Variants in RBFOX1 observed in about 807,000 individuals in gnomAD.
The protein encoded by RBFOX1 is RNA binding protein fox-1 homolog 1.
Under a neutral mutation model 57.7 loss-of-function variants are expected in RBFOX1, and 8 were observed. That is an observed-to-expected ratio of 0.14 (90% CI 0.08 to 0.25). RBFOX1 has a LOEUF of 0.25. RBFOX1 is among the 10% of genes least tolerant of loss of function. RBFOX1 has a pLI of 1.00. For missense variants in RBFOX1, 611 were observed against 548.5 expected (o/e 1.11, Z -1.14); for synonymous variants, 326 against 222.4 (o/e 1.47, Z -4.15).
At chr16:6,802,329 A>G (rs118022618) in intron 3 of RBFOX1, among the ~76,000 whole-genome samples, 2 of 152,184 alleles carry the variant, frequency 1.3e-5, no homozygotes, top group East Asian at 1.9e-4. Context: ...TTCTCTGGGA[A>G]TTTCATTGCT....
At chr16:6,070,273 A>G (rs1336347912) in intron 1 of RBFOX1, among the ~76,000 whole-genome samples, 1 of 152,172 alleles carries the variant, frequency 6.6e-6, no homozygotes, top group Non-Finnish European at 1.5e-5. Flanking sequence ...ATTCATCCTA[A>G]AAATAATTTC....
intron 3 of RBFOX1, among the ~76,000 whole-genome samples, chr16:6,933,986 C>G (rs2076971507): frequency 6.6e-6 from 1 of 152,158 alleles, no homozygotes; most frequent in Non-Finnish European, 1.5e-5. Context: ...AATGCTCATC[C>G]TCTCAGCCCA....
chr16:5,908,680 C>G (rs1395728173), intron 4 of RBFOX1, among the ~76,000 whole-genome samples: 1 of 152,016 alleles, frequency 6.6e-6, no homozygotes, highest in Non-Finnish European at 1.5e-5. Flanking sequence ...TGTGGCAGGG[C>G]ATTGCAGACT....
intron 3 of RBFOX1, among the ~76,000 whole-genome samples, chr16:6,665,756 A>G (rs1300146698): frequency 6.6e-6 from 1 of 150,474 alleles, no homozygotes; most frequent in African/African-American, 2.4e-5. Flanking sequence ...TACATGCCAT[A>G]GACCATTTTT....
At chr16:5,666,201 G>A (rs982637796) in intron 3 of RBFOX1, among the ~76,000 whole-genome samples, 6 of 152,222 alleles carry the variant, frequency 3.9e-5, no homozygotes, top group African/African-American at 1.4e-4. Flanking sequence ...GGAAAGGGAG[G>A]GCAGTTCTTC....
intron 1 of RBFOX1, among the ~76,000 whole-genome samples, chr16:5,435,461 C>T (rs949601132): frequency 1.3e-5 from 2 of 152,068 alleles, no homozygotes; most frequent in African/African-American, 2.4e-5. Context: ...GTAGGGCTAT[C>T]CTGAAGGGAA....
At chr16:6,952,435 C>T (rs538268752) in intron 3 of RBFOX1, among the ~76,000 whole-genome samples, 1 of 152,090 alleles carries the variant, frequency 6.6e-6, no homozygotes, top group South Asian at 2.1e-4. Flanking sequence ...TTGCTTGAGC[C>T]CAGGAGTTTG....
chr16:7,290,147 G>C (rs1236416594), intron 4 of RBFOX1, among the ~76,000 whole-genome samples: 3 of 152,126 alleles, frequency 2.0e-5, no homozygotes, highest in Non-Finnish European at 4.4e-5. Flanking sequence ...ATCTATAAGA[G>C]AGATAAAAGG....
intron 4 of RBFOX1, among the ~76,000 whole-genome samples, chr16:7,151,962 T>G (rs2076195313): frequency 1.3e-5 from 2 of 152,214 alleles, no homozygotes; most frequent in Admixed American, 6.5e-5. Flanking sequence ...CTTGCTCACC[T>G]GCTGCTTACC....
intron 3 of RBFOX1, among the ~76,000 whole-genome samples, chr16:5,671,416 T>C (rs918192688): frequency 6.6e-6 from 1 of 152,210 alleles, no homozygotes; most frequent in Non-Finnish European, 1.5e-5. Flanking sequence ...GCATTTGATA[T>C]ATTTGTGCTG....
At chr16:6,653,226 A>G (rs781626291) in intron 2 of RBFOX1, among the ~76,000 whole-genome samples, 1 of 151,900 alleles carries the variant, frequency 6.6e-6, no homozygotes, top group Non-Finnish European at 1.5e-5. Flanking sequence ...TACCCTCAGC[A>G]TTTCCCACCC....
intron 2 of RBFOX1, among the ~76,000 whole-genome samples, chr16:6,537,763 A>G (rs890131471): frequency 3.3e-5 from 5 of 152,196 alleles, no homozygotes; most frequent in Admixed American, 1.3e-4. Context: ...TGTGGTTCCA[A>G]CTGAAGACCA....
intron 3 of RBFOX1, among the ~76,000 whole-genome samples, chr16:6,877,191 A>T (rs1056387137): frequency 1.6e-4 from 24 of 152,240 alleles, no homozygotes; most frequent in Admixed American, 1.2e-3. Flanking sequence ...CAGCCGTTAC[A>T]TTTAAAAAGT....
chr16:6,925,369 C>CCT (rs1398269700), intron 3 of RBFOX1, among the ~76,000 whole-genome samples: 2 of 151,684 alleles, frequency 1.3e-5, no homozygotes, highest in Non-Finnish European at 2.9e-5. Flanking sequence ...AGGCGATCTA[C>CCT]CTGCCTTGGT....
At chr16:7,422,258 T>A (rs2098550201) in intron 4 of RBFOX1, among the ~76,000 whole-genome samples, 1 of 152,200 alleles carries the variant, frequency 6.6e-6, no homozygotes, top group Non-Finnish European at 1.5e-5. Flanking sequence ...GAAACAGCCC[T>A]ATTGTTTTAG....
intron 3 of RBFOX1, among the ~76,000 whole-genome samples, chr16:5,699,121 G>C (rs2050945058): frequency 6.6e-6 from 1 of 151,464 alleles, no homozygotes; most frequent in South Asian, 2.1e-4. Flanking sequence ...CCGAGCAGCT[G>C]GGTCTATAGG....
intron 3 of RBFOX1, among the ~76,000 whole-genome samples, chr16:6,684,461 G>A (rs903642141): frequency 2.0e-4 from 31 of 152,152 alleles, no homozygotes; most frequent in African/African-American, 6.8e-4. Context: ...TGCTGGCCAC[G>A]GCAAACCTCC....
chr16:5,718,212 T>G (rs1469062633), intron 3 of RBFOX1, among the ~76,000 whole-genome samples: 1 of 152,242 alleles, frequency 6.6e-6, no homozygotes, highest in African/African-American at 2.4e-5. Context: ...AGATTCAGTC[T>G]ATCTTAATAG....
chr16:5,645,081 C>A (rs375814527), intron 3 of RBFOX1, among the ~76,000 whole-genome samples: 6 of 144,630 alleles, frequency 4.1e-5, no homozygotes, highest in African/African-American at 1.3e-4. Context: ...ACTAAAAATA[C>A]AAAAAAAAAA....
Sources: gnomAD v4.1 joint callset for allele counts (sites outside exome capture counted in the v4.1 genomes callset) on GRCh38, gnomAD v4.1.1 for gene constraint, MANE v1.5 for transcripts, NCBI Gene and HGNC (gene_info 2026-07-23, HGNC 2026-07-21) for gene names.